NVL: variants seen among roughly 807,000 people sequenced by gnomAD.
The protein encoded by NVL is nuclear VCP like.
A neutral mutation model predicts 110.2 loss-of-function variants in NVL; 84 were observed. The observed-to-expected ratio is 0.76, with a 90% CI of 0.64 to 0.91. NVL has a LOEUF of 0.91. Ranked by LOEUF, NVL falls within the 40% of genes least tolerant of loss-of-function variation. The pLI is 0.00. For synonymous variants in NVL, 354 were observed against 361.1 expected, an observed-to-expected ratio of 0.98 and a Z score of 0.22; for missense variants, 882 against 1,035.9, an observed-to-expected ratio of 0.85 and a Z score of 2.04.
At chr1:224,275,735 C>T (rs1461653594) in intron 16 of NVL, among the ~76,000 whole-genome samples, 1 of 152,118 alleles carries the variant, frequency 6.6e-6, no homozygotes, top group Non-Finnish European at 1.5e-5. Context: ...AAGTTCTTCT[C>T]TAGCTCAAAA....
intron 4 of NVL, among the ~76,000 whole-genome samples, chr1:224,315,901 G>A (rs1300471263): frequency 6.6e-6 from 1 of 152,144 alleles, no homozygotes; most frequent in Non-Finnish European, 1.5e-5. Flanking sequence ...CCCAACAAGA[G>A]ATAAACAGAT....
intron 15 of NVL, among the ~76,000 whole-genome samples, chr1:224,282,429 G>A: frequency 6.6e-6 from 1 of 152,178 alleles, no homozygotes; most frequent in East Asian, 1.9e-4. Context: ...TGAAATGCTA[G>A]TCTCTGTACT....
rs1558341628 is a variant in NVL, at chr1:224,308,228, T to C, written c.378A>G (p.Leu126=). The C allele has an allele frequency of 1.2e-6, 2 of 1,612,516 alleles. No individual in the cohort carries two copies. Among genetic ancestry groups the C allele is most frequent in the Non-Finnish European group, 1.7e-6 (2 of 1,179,550 alleles). Residue 126 remains leucine (L), a synonymous_variant, in exon 6 of 23, where the codon TTA becomes TTG. Transcript: ENST00000281701. ...CAGAATCAGGATTTCCTTTCCGATATAAAGACAGCAGGGAACTGTTCATGT... is the reference window on the plus strand; with the variant it reads ...CAGAATCAGGATTTCCTTTCCGATACAAAGACAGCAGGGAACTGTTCATGT... The part of the protein sequence containing the change: ...ANHMNSSLLS[L]YRKGNPDSVS...
At chr1:224,274,953 C>T (rs550788120) in intron 17 of NVL, among the ~76,000 whole-genome samples, 1 of 152,294 alleles carries the variant, frequency 6.6e-6, no homozygotes, top group South Asian at 2.1e-4. Flanking sequence ...AAGTTAATAA[C>T]CTGACCCTAT....
intron 17 of NVL, among the ~76,000 whole-genome samples, chr1:224,271,891 G>A (rs1665148333): frequency 1.3e-5 from 2 of 151,996 alleles, no homozygotes; most frequent in African/African-American, 4.8e-5. Flanking sequence ...GTGTGCGCCT[G>A]TAATCCCAGC....
At chr1:224,250,997 G>A (rs1472468577) in intron 18 of NVL, among the ~76,000 whole-genome samples, 1 of 151,934 alleles carries the variant, frequency 6.6e-6, no homozygotes, top group Non-Finnish European at 1.5e-5. Context: ...TTAACGGCTG[G>A]GCGCGGGGGC....
intron 11 of NVL, among the ~76,000 whole-genome samples, chr1:224,295,231 C>T (rs1317437545): frequency 2.6e-5 from 4 of 151,484 alleles, no homozygotes; most frequent in African/African-American, 9.7e-5. Flanking sequence ...CTCGCTCTGT[C>T]GCCCAGGCTG....
At chr1:224,285,986 A>C (rs779189506) in intron 15 of NVL, 40 bp downstream of exon 15, 12 of 1,416,750 alleles carry the variant, frequency 8.5e-6, no homozygotes, top group African/African-American at 1.4e-5. Flanking sequence ...CCTATCTGAT[A>C]CTAAGAAATA....
At chr1:224,308,346 T>C in intron 5 of NVL, 83 bp from the exon 6 acceptor site, 1 of 1,284,966 alleles carries the variant, frequency 7.8e-7, no homozygotes, top group Non-Finnish European at 1.1e-6. Context: ...GTAATAAGTT[T>C]TCTATATTTT....
intron 18 of NVL, among the ~76,000 whole-genome samples, chr1:224,251,356 A>G (rs959718266): frequency 6.6e-6 from 1 of 150,536 alleles, no homozygotes; most frequent in African/African-American, 2.4e-5. Context: ...ATTGCATTTT[A>G]TTTAAATGAA....
intron 17 of NVL, among the ~76,000 whole-genome samples, chr1:224,270,941 A>G (rs1025940276): frequency 6.6e-6 from 1 of 152,234 alleles, no homozygotes; most frequent in Non-Finnish European, 1.5e-5. Flanking sequence ...ATGATACAGC[A>G]TTATTTTTCA....
intron 7 of NVL, 24 bp downstream of exon 7, chr1:224,305,010 C>T (rs757497316): frequency 1.2e-6 from 2 of 1,609,428 alleles, no homozygotes; most frequent in South Asian, 2.2e-5. Flanking sequence ...ATGACCACTG[C>T]CACCAACAAG....
chr1:224,238,126 C>T (rs944980912), intron 19 of NVL, among the ~76,000 whole-genome samples: 19 of 152,094 alleles, frequency 1.2e-4, no homozygotes, highest in African/African-American at 3.6e-4. Flanking sequence ...CTCCACCTCC[C>T]GGGCTCAAGC....
intron 14 of NVL, 99 bp from the exon 15 acceptor site, chr1:224,286,229 TTGA>T: frequency 4.5e-6 from 4 of 896,628 alleles, no homozygotes; most frequent in Non-Finnish European, 5.1e-6. Context: ...TTTTTTTTTT[TTGA>T]GTCTCCCTCT....
chr1:224,306,367 C>T (rs531432041), intron 6 of NVL, among the ~76,000 whole-genome samples: 2 of 151,978 alleles, frequency 1.3e-5, no homozygotes, highest in Non-Finnish European at 2.9e-5. Flanking sequence ...GCCGGGTTCA[C>T]GTCATTCTCC....
At chr1:224,267,752 C>T (rs780453224) in intron 18 of NVL, among the ~76,000 whole-genome samples, 8 of 151,372 alleles carry the variant, frequency 5.3e-5, no homozygotes, top group South Asian at 2.1e-4. Context: ...TTCTAAGCAC[C>T]GACACAGAAA....
intron 6 of NVL, among the ~76,000 whole-genome samples, chr1:224,307,308 A>G (rs571013161): frequency 5.4e-4 from 82 of 152,324 alleles, no homozygotes; most frequent in African/African-American, 1.9e-3. Context: ...GTGGTAGGAG[A>G]TGAAACTGAA....
chr1:224,233,135 T>C, intron 21 of NVL, 66 bp downstream of exon 21: 2 of 1,393,948 alleles, frequency 1.4e-6, no homozygotes, highest in South Asian at 1.3e-5. Context: ...AAAATGGTCA[T>C]TTTCCAGGGC....
In NVL at chr1:224,228,666, G is replaced by A. The variant is rs145598181; in HGVS notation, c.2527-996C>T. On this transcript the variant is annotated intron_variant, in intron 22 of 22. Transcript: ENST00000281701. ...AAGAAACTGCCAGAATGGGCCGGGC[G>A]CGGTGGCTCACACCTGTAATCCCAG... Among the ~76,000 whole-genome samples, 970 of 150,466 alleles carry A rather than the reference G, an allele frequency of 6.4e-3. 17 individuals are homozygous for A. Among genetic ancestry groups the A allele is most frequent in the African/African-American group, 0.02 (815 of 41,256 alleles).
Sources: allele counts gnomAD v4.1 joint callset (sites outside exome capture counted in the v4.1 genomes callset), GRCh38; gene constraint gnomAD v4.1.1; transcripts MANE v1.5; gene names NCBI Gene and HGNC (gene_info 2026-07-23, HGNC 2026-07-21).